BAG4: variants seen among roughly 807,000 people sequenced by gnomAD.
BAG4 encodes the protein BAG family molecular chaperone regulator 4.
In BAG4, 28 loss-of-function variants were observed where a neutral mutation model predicts 52.1. The observed-to-expected ratio is 0.54, with a 90% CI of 0.40 to 0.74. The LOEUF (loss-of-function observed/expected upper bound fraction) is 0.74, where lower values mean the gene tolerates loss of function less well. Among genes scored for constraint, BAG4 ranks in the 30% least tolerant of loss-of-function variants. The pLI is 0.00. For missense variants in BAG4, 525 were observed against 572.0 expected (o/e 0.92, Z 0.84); for synonymous variants, 208 against 217.0 (o/e 0.96, Z 0.37).
chr8:38,202,399 G>T (rs1260987585), intron 2 of BAG4, among the ~76,000 whole-genome samples: 2 of 152,040 alleles, frequency 1.3e-5, no homozygotes, highest in Non-Finnish European at 2.9e-5. Context: ...CTGAGTAGCT[G>T]GGACTACAGG....
chr8:38,194,380 G>A (rs953785522), intron 2 of BAG4, among the ~76,000 whole-genome samples: 1 of 149,290 alleles, frequency 6.7e-6, no homozygotes, highest in African/African-American at 2.5e-5. Flanking sequence ...ATTTCCTTAG[G>A]GTCTGGAATT....
chr8:38,190,785 C>T (rs1331165263), intron 1 of BAG4, among the ~76,000 whole-genome samples: 2 of 132,966 alleles, frequency 1.5e-5, no homozygotes, highest in African/African-American at 2.9e-5. Flanking sequence ...GAGACGGAGT[C>T]TCTGCTCTGT....
chr8:38,185,761 C>T (rs1803355722), intron 1 of BAG4, among the ~76,000 whole-genome samples: 1 of 152,170 alleles, frequency 6.6e-6, no homozygotes, highest in Non-Finnish European at 1.5e-5. Context: ...GACAGGGTTT[C>T]ACCATGTTGG....
chr8:38,190,567 G>A (rs924460358), intron 1 of BAG4, among the ~76,000 whole-genome samples: 1 of 150,862 alleles, frequency 6.6e-6, no homozygotes, highest in Non-Finnish European at 1.5e-5. Flanking sequence ...GAGTAGCTGG[G>A]ACTATAGGCA....
At chr8:38,194,863 GT>G (rs1354369989) in intron 2 of BAG4, among the ~76,000 whole-genome samples, 7 of 52,242 alleles carry the variant, frequency 1.3e-4, no homozygotes, top group Non-Finnish European at 3.0e-4. Flanking sequence ...TTTTTTTTTT[GT>G]TTTTTTTTTT....
intron 1 of BAG4, among the ~76,000 whole-genome samples, chr8:38,179,408 C>T (rs979351033): frequency 7.9e-5 from 12 of 151,834 alleles, no homozygotes; most frequent in African/African-American, 2.4e-4. Context: ...CCTCCTGCCT[C>T]GGCCTCCAAA....
intron 2 of BAG4, among the ~76,000 whole-genome samples, chr8:38,205,390 A>C (rs1803754392): frequency 6.6e-6 from 1 of 151,960 alleles, no homozygotes; most frequent in Admixed American, 6.6e-5. Context: ...CAATTTTTTC[A>C]ATGAATAGTC....
At chr8:38,206,734 T>C (rs1319199527) in intron 2 of BAG4, among the ~76,000 whole-genome samples, 2 of 152,134 alleles carry the variant, frequency 1.3e-5, no homozygotes, top group Non-Finnish European at 2.9e-5. Flanking sequence ...ATACAAAGCC[T>C]ATGGCAGAGC....
chr8:38,188,643 ACATG>A (rs1803412177), intron 1 of BAG4, among the ~76,000 whole-genome samples: 3 of 162 alleles, frequency 0.019, no homozygotes, highest in African/African-American at 0.028. Flanking sequence ...ATACATATAT[ACATG>A]TATACATATA....
In BAG4 at chr8:38,183,105, C is replaced by T. The variant is rs549136427; in HGVS notation, c.270+5966C>T. 1.9e-3 allele frequency among the ~76,000 whole-genome samples: 263 copies of T among 138,350 alleles called. 1 individual carries two copies. The highest frequency in any genetic ancestry group is 2.1e-3 in the Non-Finnish European group (141 of 66,214). The allele number at this position is 138,350 out of a possible 152,430, so 90.8% of individuals were successfully genotyped here. A position where few individuals can be genotyped will look rare whatever the true frequency, so the allele number is the denominator to read the frequency against. Reference sequence around the variant, plus strand: ...TGTCGCCCAGGCTGGAGTGCAGTGGCGAAATCTCGGCTCACTGCAAGCTCC... The same window carrying T: ...TGTCGCCCAGGCTGGAGTGCAGTGGTGAAATCTCGGCTCACTGCAAGCTCC... On this transcript the variant is annotated intron_variant, in intron 1 of 4. Transcript: ENST00000287322.
chr8:38,184,758 G>A (rs1320174170), intron 1 of BAG4, among the ~76,000 whole-genome samples: 2 of 152,140 alleles, frequency 1.3e-5, no homozygotes, highest in Non-Finnish European at 2.9e-5. Context: ...AGAAAGGTTT[G>A]TAGACTTCCA....
At chr8:38,207,075 C>G (rs1185188711) in intron 2 of BAG4, among the ~76,000 whole-genome samples, 2 of 151,924 alleles carry the variant, frequency 1.3e-5, no homozygotes, top group Non-Finnish European at 2.9e-5. Flanking sequence ...GCGTCAGCCC[C>G]CCGAGTAGCT....
chr8:38,181,886 C>CAAAAAA lies in BAG4; in HGVS notation c.270+4772_270+4777dup, dbSNP rs34268146. ...CCTGGGCTGCCTAGCGAGACTATCTCAAAAAAAAAAAAAAAAAAAAAAAAA... is the reference window on the plus strand; with the variant it reads ...CCTGGGCTGCCTAGCGAGACTATCTCAAAAAAAAAAAAAAAAAAAAAAAAAAAAAAA... On this transcript the variant is annotated intron_variant, in intron 1 of 4. Coordinates refer to ENST00000287322, the MANE Select transcript of BAG4 (RefSeq NM_004874.4). Among the ~76,000 whole-genome samples the CAAAAAA allele has an allele frequency of 2.7e-4, 10 of 37,266 alleles. 1 individual carries two copies. The highest frequency in any genetic ancestry group is 2.0e-3 in the South Asian group (1 of 488). 24.4% of individuals were successfully genotyped at this position (37,266 alleles called of 152,430 possible). A position where few individuals can be genotyped will look rare whatever the true frequency, so the allele number is the denominator to read the frequency against.
rs1335108245 is a variant in BAG4, at chr8:38,212,442, C to A, written c.*1949C>A. 1 of 152,158 alleles carries A rather than the reference C, an allele frequency of 6.6e-6. No individual in the cohort carries two copies. Among genetic ancestry groups the A allele is most frequent in the African/African-American group, 2.4e-5 (1 of 41,436 alleles). 9.4% of individuals were successfully genotyped at this position (152,158 alleles called of 1,614,324 possible). A position where few individuals can be genotyped will look rare whatever the true frequency, so the allele number is the denominator to read the frequency against. ...TAGTAGAGTTCTTGTATACTCTGCACCCACCTTGCCCTTATGTTAACATCT... is the reference window on the plus strand; with the variant it reads ...TAGTAGAGTTCTTGTATACTCTGCAACCACCTTGCCCTTATGTTAACATCT... On this transcript the variant is annotated 3_prime_UTR_variant, in exon 5 of 5. Transcript: ENST00000287322.
At chr8:38,178,932 C>T (rs531507006) in intron 1 of BAG4, among the ~76,000 whole-genome samples, 125 of 151,676 alleles carry the variant, frequency 8.2e-4, no homozygotes, top group Admixed American at 2.6e-3. Context: ...TCCAGGAGTT[C>T]GAGACCAGCC....
chr8:38,194,847 GTTTTTTTTT>G, intron 2 of BAG4, among the ~76,000 whole-genome samples: 1 of 116,500 alleles, frequency 8.6e-6, no homozygotes, highest in East Asian at 2.4e-4. Context: ...GTTTTTTTTT[GTTTTTTTTT>G]TTTTTTGTTT....
Position 38,197,575 on chromosome 8 carries a change from T to C in BAG4, c.378+4780T>C, listed in dbSNP as rs183764884. On this transcript the variant is annotated intron_variant, in intron 2 of 4. Transcript: ENST00000287322. ...AGTGAGTGGTGAGTGAATGTGAAGG[T>C]CTAGGATATTACTGTGCACTATTGT... is the stretch of plus-strand genomic sequence containing the variant. 4.2e-3 allele frequency among the ~76,000 whole-genome samples: 635 copies of C among 152,318 alleles called. 6 individuals are homozygous for C. Among genetic ancestry groups the C allele is most frequent in the African/African-American group, 0.015 (609 of 41,566 alleles).
chr8:38,202,495 A>G (rs1334225169), intron 2 of BAG4, among the ~76,000 whole-genome samples: 2 of 151,150 alleles, frequency 1.3e-5, no homozygotes, highest in Non-Finnish European at 2.9e-5. Context: ...GAGTTTAAGC[A>G]GTCCACCTGC....
chr8:38,200,367 C>T (rs888546332), intron 2 of BAG4, among the ~76,000 whole-genome samples: 4 of 152,048 alleles, frequency 2.6e-5, no homozygotes, highest in Non-Finnish European at 4.4e-5. Flanking sequence ...CAATTCTGTC[C>T]CATTAATCTA....
Sources: allele counts gnomAD v4.1 joint callset (sites outside exome capture counted in the v4.1 genomes callset), GRCh38; gene constraint gnomAD v4.1.1; transcripts MANE v1.5; gene names NCBI Gene and HGNC (gene_info 2026-07-23, HGNC 2026-07-21).